Variants in DENND1A observed in about 807,000 individuals in gnomAD.
DENND1A encodes DENN domain containing 1A.
DENND1A carries 51 observed loss-of-function variants against 113.7 expected under a neutral mutation model. The ratio of observed to expected loss-of-function variants is 0.45; its 90% confidence interval spans 0.36 to 0.57. DENND1A has a LOEUF of 0.57. Ranked by LOEUF, DENND1A falls within the 20% of genes least tolerant of loss-of-function variation. The pLI is 0.00. For missense variants in DENND1A, 1,258 were observed against 1,395.9 expected (o/e 0.90, Z 1.57); for synonymous variants, 565 against 570.8 (o/e 0.99, Z 0.14).
chr9:123,475,405 C>T (rs1283816024), intron 13 of DENND1A, among the ~76,000 whole-genome samples: 2 of 152,262 alleles, frequency 1.3e-5, no homozygotes, highest in African/African-American at 4.8e-5. Context: ...CTCTCCCTTA[C>T]TGAAGAAATC....
At chr9:123,519,920 G>A (rs999546066) in intron 13 of DENND1A, among the ~76,000 whole-genome samples, 1 of 152,064 alleles carries the variant, frequency 6.6e-6, no homozygotes, top group African/African-American at 2.4e-5. Flanking sequence ...AGCACTTTGG[G>A]AGGCTGAGGT....
At chr9:123,836,589 T>C (rs999981333) in intron 2 of DENND1A, among the ~76,000 whole-genome samples, 3 of 152,172 alleles carry the variant, frequency 2.0e-5, no homozygotes, top group Non-Finnish European at 1.5e-5. Flanking sequence ...AAATATATTA[T>C]AGTTTGAGTC....
intron 5 of DENND1A, among the ~76,000 whole-genome samples, chr9:123,731,044 G>A (rs1017622003): frequency 2.0e-5 from 3 of 152,128 alleles, no homozygotes; most frequent in Middle Eastern, 3.2e-3. Context: ...ACTCATAAGT[G>A]GGGGTTGAAC....
chr9:123,839,929 T>C (rs774305011), intron 2 of DENND1A, among the ~76,000 whole-genome samples: 12 of 152,200 alleles, frequency 7.9e-5, no homozygotes, highest in Middle Eastern at 3.2e-3. Context: ...TTTTCAAAAA[T>C]AAATGTAGGA....
intron 2 of DENND1A, among the ~76,000 whole-genome samples, chr9:123,804,605 G>A (rs542067085): frequency 3.3e-5 from 5 of 152,094 alleles, no homozygotes; most frequent in Admixed American, 2.6e-4. Flanking sequence ...TCCAATTCTA[G>A]ACTCATTTAT....
At chr9:123,500,346 G>A (rs1007545680) in intron 13 of DENND1A, among the ~76,000 whole-genome samples, 6 of 152,240 alleles carry the variant, frequency 3.9e-5, no homozygotes, top group Admixed American at 3.3e-4. Flanking sequence ...AGATAGGGTG[G>A]AATTAGATTT....
In DENND1A at chr9:123,391,114, GTGTGAC is replaced by G. The variant is rs139956999; in HGVS notation, c.1632-3262_1632-3257del. Among the ~76,000 whole-genome samples, 302 of 152,352 alleles carry G rather than the reference GTGTGAC, an allele frequency of 2.0e-3. 1 individual carries two copies. Among genetic ancestry groups the G allele is most frequent in the African/African-American group, 7.1e-3 (294 of 41,566 alleles). On this transcript the variant is annotated intron_variant, in intron 21 of 23. Coordinates refer to ENST00000394215, the MANE Select transcript of DENND1A (RefSeq NM_001352964.2). ...GAGGGGGCTGGGGGCTTCCACACTG[GTGTGAC>G]TGTGGTGGGCGGGGGAAGAGAGGGA...
In DENND1A at chr9:123,381,119, G is replaced by C. The variant is rs531231169; in HGVS notation, c.*313C>G. ...TTCCGGGGGAAGGTGGGTAGGACTC[G>C]GTCTGGAGCAATATCATTGGCCCAG... On this transcript the variant is annotated 3_prime_UTR_variant, in exon 24 of 24. Transcript: ENST00000394215. The surrounding 1 kb of genome is among the most constrained non-coding windows in gnomAD (Gnocchi z 4.7). 2.9e-6 allele frequency: 1 copy of C among 347,028 alleles called. No homozygotes were observed. Among genetic ancestry groups the C allele is most frequent in the African/African-American group, 2.1e-5 (1 of 46,602 alleles). 21.5% of individuals were successfully genotyped at this position (347,028 alleles called of 1,614,324 possible).
At chr9:123,450,898 A>G (rs1435156759) in intron 17 of DENND1A, 149 bp from the exon 18 acceptor site, 2 of 602,512 alleles carry the variant, frequency 3.3e-6, no homozygotes, top group Non-Finnish European at 5.7e-6. Flanking sequence ...AATGGCTATG[A>G]AAACAAATAC....
At chr9:123,558,661 A>G (rs1029906954) in intron 12 of DENND1A, among the ~76,000 whole-genome samples, 1 of 152,214 alleles carries the variant, frequency 6.6e-6, no homozygotes, top group African/African-American at 2.4e-5. Flanking sequence ...AAAGTGAGAC[A>G]TAAAAAACAA....
intron 2 of DENND1A, among the ~76,000 whole-genome samples, chr9:123,808,075 A>G (rs1027741233): frequency 6.6e-6 from 1 of 151,910 alleles, no homozygotes; most frequent in Non-Finnish European, 1.5e-5. Context: ...AAAATACAAA[A>G]ATTAGCCGGG....
At chr9:123,619,915 A>G (rs1375759693) in intron 10 of DENND1A, among the ~76,000 whole-genome samples, 1 of 152,132 alleles carries the variant, frequency 6.6e-6, no homozygotes, top group African/African-American at 2.4e-5. Context: ...AAAACAGTTC[A>G]CATTGAAATT....
intron 13 of DENND1A, among the ~76,000 whole-genome samples, chr9:123,547,300 C>A (rs1027573060): frequency 6.6e-6 from 1 of 152,254 alleles, no homozygotes; most frequent in African/African-American, 2.4e-5. Flanking sequence ...GAGGCCAAGG[C>A]AGGCAGATCA....
chr9:123,684,386 A>G (rs951213010), intron 5 of DENND1A, among the ~76,000 whole-genome samples: 3 of 152,096 alleles, frequency 2.0e-5, no homozygotes, highest in Non-Finnish European at 4.4e-5. Context: ...TTCCACTCCT[A>G]TACTTCTCAT....
intron 2 of DENND1A, among the ~76,000 whole-genome samples, chr9:123,856,370 A>G (rs1418580216): frequency 6.6e-6 from 1 of 152,126 alleles, no homozygotes; most frequent in Non-Finnish European, 1.5e-5. Context: ...TCAGAACCCA[A>G]TTGTGACAAG....
At chr9:123,413,735 C>T (rs1216885840) in intron 19 of DENND1A, 12 of 985,382 alleles carry the variant, frequency 1.2e-5, no homozygotes, top group South Asian at 4.7e-5. Flanking sequence ...GACAGCTACC[C>T]GGGAGTTGGG....
At chr9:123,790,481 TCTGGTCCATGA>T (rs1832841541) in intron 3 of DENND1A, among the ~76,000 whole-genome samples, 1 of 152,172 alleles carries the variant, frequency 6.6e-6, no homozygotes, top group Non-Finnish European at 1.5e-5. Context: ...TAAGTCTACC[TCTGGTCCATGA>T]GGACCATTCT....
intron 2 of DENND1A, among the ~76,000 whole-genome samples, chr9:123,840,419 A>G (rs894851690): frequency 4.6e-5 from 7 of 152,176 alleles, no homozygotes; most frequent in Admixed American, 4.6e-4. Flanking sequence ...TTTAAACATG[A>G]TAATTATAAC....
chr9:123,783,355 G>A (rs1831607118), intron 3 of DENND1A, among the ~76,000 whole-genome samples: 1 of 152,136 alleles, frequency 6.6e-6, no homozygotes, highest in Admixed American at 6.5e-5. Context: ...TAGAAAGGGA[G>A]GCATTTCCAG....
Sources: gnomAD v4.1 joint callset for allele counts (sites outside exome capture counted in the v4.1 genomes callset) on GRCh38, gnomAD v4.1.1 for gene constraint, Gnocchi (gnomAD v3.1) non-coding constraint, MANE v1.5 for transcripts, NCBI Gene and HGNC (gene_info 2026-07-23, HGNC 2026-07-21) for gene names.